TMEM63C: variants seen among roughly 807,000 people sequenced by gnomAD.
The protein encoded by TMEM63C is osmosensitive cation channel TMEM63C.
A neutral mutation model predicts 99.2 loss-of-function variants in TMEM63C; 32 were observed. The observed-to-expected ratio is 0.32, with a 90% CI of 0.24 to 0.43. The LOEUF (loss-of-function observed/expected upper bound fraction) is 0.43. Among genes scored for constraint, TMEM63C ranks in the 20% least tolerant of loss-of-function variants. The pLI, the probability that TMEM63C is intolerant of heterozygous loss-of-function variation, is 1.00. For missense variants in TMEM63C, 826 were observed against 1,053.0 expected (o/e 0.78, Z 2.98); for synonymous variants, 376 against 397.9 (o/e 0.94, Z 0.66).
chr14:77,209,483 G>A (rs190618365), intron 1 of TMEM63C, among the ~76,000 whole-genome samples: 1 of 152,332 alleles, frequency 6.6e-6, no homozygotes, highest in Non-Finnish European at 1.5e-5. Context: ...GTCTTTGGGA[G>A]AACCATGAAA....
intron 7 of TMEM63C, among the ~76,000 whole-genome samples, chr14:77,232,103 G>T (rs948178284): frequency 6.6e-6 from 1 of 152,116 alleles, no homozygotes; most frequent in South Asian, 2.1e-4. Context: ...TGCAGAATTT[G>T]TCTTGTAGGA....
At chr14:77,199,187 A>G (rs1350266278) in intron 1 of TMEM63C, among the ~76,000 whole-genome samples, 1 of 152,190 alleles carries the variant, frequency 6.6e-6, no homozygotes, top group East Asian at 1.9e-4. Context: ...TTTGAGACAC[A>G]CAGATTGTTT....
At chr14:77,219,659 G>A (rs1327104330) in intron 4 of TMEM63C, 82 bp downstream of exon 4, 68 of 1,432,698 alleles carry the variant, frequency 4.7e-5, no homozygotes, top group Non-Finnish European at 6.1e-5. Context: ...TCTGCCCAGC[G>A]CCCGAGCTGC....
chr14:77,192,435 C>A (rs11620648), intron 1 of TMEM63C, among the ~76,000 whole-genome samples: 2 of 151,980 alleles, frequency 1.3e-5, no homozygotes, highest in Admixed American at 6.5e-5. Context: ...ATAGTCAAAT[C>A]GGAATTTTGA....
At chr14:77,229,070 T>C (rs1337387851) in intron 6 of TMEM63C, among the ~76,000 whole-genome samples, 1 of 152,182 alleles carries the variant, frequency 6.6e-6, no homozygotes, top group African/African-American at 2.4e-5. Flanking sequence ...CATCAAATGC[T>C]TTTTATAACT....
chr14:77,189,673 A>G (rs1392438468), intron 1 of TMEM63C, among the ~76,000 whole-genome samples: 1 of 152,234 alleles, frequency 6.6e-6, no homozygotes, highest in Non-Finnish European at 1.5e-5. Flanking sequence ...AAAGTTGAAG[A>G]AAAGTAATCT....
At chr14:77,205,548 G>A (rs769615541) in intron 1 of TMEM63C, among the ~76,000 whole-genome samples, 1 of 152,242 alleles carries the variant, frequency 6.6e-6, no homozygotes, top group Non-Finnish European at 1.5e-5. Flanking sequence ...GTACCCAGAA[G>A]GCTCCCTGAA....
chr14:77,232,186 T>C (rs35602650), intron 7 of TMEM63C, among the ~76,000 whole-genome samples: 9,817 of 152,312 alleles, frequency 0.064, 411 homozygotes, highest in Admixed American at 0.1. Flanking sequence ...CCTTGGCTTC[T>C]AAAACAGAAA....
intron 3 of TMEM63C, 73 bp from the exon 4 acceptor site, chr14:77,219,425 G>C: frequency 4.5e-5 from 68 of 1,501,982 alleles, no homozygotes; most frequent in Non-Finnish European, 6.2e-5. Context: ...TCCCCCAAGG[G>C]AATGCAGGGG....
chr14:77,223,374 C>T (rs383203), intron 5 of TMEM63C, among the ~76,000 whole-genome samples: 2 of 151,938 alleles, frequency 1.3e-5, no homozygotes, highest in African/African-American at 4.8e-5. Context: ...GGATGGGGAG[C>T]CTTCAGCCAG....
chr14:77,233,436 C>T lies in TMEM63C; in HGVS notation c.494-16C>T, dbSNP rs745522885. ...GAGGAGCCAGGCTCGAGGTCAGCAACTTCTTTCTCTTTCAGACTGGAGCAG... is the reference window on the plus strand; with the variant it reads ...GAGGAGCCAGGCTCGAGGTCAGCAATTTCTTTCTCTTTCAGACTGGAGCAG... On this transcript the variant is annotated splice_polypyrimidine_tract_variant and intron_variant, in intron 7 of 23. Transcript: ENST00000298351. 12 of 1,612,498 alleles carry T rather than the reference C, an allele frequency of 7.4e-6. No homozygotes were observed. In the East Asian group the frequency reaches 2.2e-4, roughly 30 times the overall value.
At chr14:77,201,221 C>T (rs1391381645) in intron 1 of TMEM63C, 1 of 152,210 alleles carries the variant, frequency 6.6e-6, no homozygotes, top group African/African-American at 2.4e-5. Context: ...CCCAGTACTC[C>T]TTGAACAGAG....
At chr14:77,203,717 AG>A (rs1453988185) in intron 1 of TMEM63C, among the ~76,000 whole-genome samples, 1 of 152,272 alleles carries the variant, frequency 6.6e-6, no homozygotes, top group East Asian at 1.9e-4. Context: ...TGTTCAGTGC[AG>A]GGTGGCTCTA....
chr14:77,213,134 T>A (rs541407011), intron 1 of TMEM63C, among the ~76,000 whole-genome samples: 1 of 152,292 alleles, frequency 6.6e-6, no homozygotes, highest in Admixed American at 6.5e-5. Context: ...TCCCTCTAGG[T>A]CTTTGCCAAC....
chr14:77,242,313 A>ACCC, intron 13 of TMEM63C, 34 bp from the exon 14 acceptor site: 1 of 1,563,568 alleles, frequency 6.4e-7, no homozygotes, highest in Non-Finnish European at 8.7e-7. Flanking sequence ...CCACCCCCAG[A>ACCC]CCCACATTTC....
In TMEM63C at chr14:77,253,488, G is replaced by A. The variant is rs1386720749; in HGVS notation, c.2220+112G>A. 8 of 1,083,562 alleles carry A rather than the reference G, an allele frequency of 7.4e-6. No individual in the cohort carries two copies. In the East Asian group the frequency reaches 1.8e-4, roughly 25 times the overall value. The allele number at this position is 1,083,562 out of a possible 1,614,324, so 67.1% of individuals were successfully genotyped here. A position where few individuals can be genotyped will look rare whatever the true frequency, so the allele number is the denominator to read the frequency against. ...TGCTGCCCACTCTGGGTATGGGGAA[G>A]GAGATGGGGGACCCCTGGGCTCCCT... On this transcript the variant is annotated intron_variant, in intron 23 of 23. Transcript: ENST00000298351.
chr14:77,220,567 C>A (rs34120266), intron 5 of TMEM63C, among the ~76,000 whole-genome samples: 20,825 of 152,078 alleles, frequency 0.14, 1,702 homozygotes, highest in Middle Eastern at 0.24. Context: ...CAGCCCTCCA[C>A]CCGACTCATG....
intron 1 of TMEM63C, among the ~76,000 whole-genome samples, chr14:77,191,844 T>G (rs952391286): frequency 6.6e-6 from 1 of 152,224 alleles, no homozygotes; most frequent in South Asian, 2.1e-4. Context: ...AAGCCTGGCC[T>G]AGTTCTCCAT....
intron 1 of TMEM63C, among the ~76,000 whole-genome samples, chr14:77,210,854 G>A (rs1888483650): frequency 6.6e-6 from 1 of 152,218 alleles, no homozygotes; most frequent in African/African-American, 2.4e-5. Flanking sequence ...TGGGAGCTGT[G>A]GCTTTGTGCA....
Sources: allele counts gnomAD v4.1 joint callset (sites outside exome capture counted in the v4.1 genomes callset), GRCh38; gene constraint gnomAD v4.1.1; transcripts MANE v1.5; gene names NCBI Gene and HGNC (gene_info 2026-07-23, HGNC 2026-07-21).